OR3A2: variants seen among roughly 807,000 people sequenced by gnomAD.
The protein encoded by OR3A2 is olfactory receptor family 3 subfamily A member 2.
For synonymous variants in OR3A2, 126 were observed against 159.3 expected (o/e 0.79, Z 1.57); for missense variants, 318 against 392.8 (o/e 0.81, Z 1.61).
chr17:3,353,664 T>C (rs926580895), intron 2 of OR3A2, among the ~76,000 whole-genome samples: 3 of 151,884 alleles, frequency 2.0e-5, no homozygotes, highest in Non-Finnish European at 4.4e-5. Context: ...CATTGATTTT[T>C]AAATTTTATT....
At chr17:3,303,318 C>G (rs1478630496) in intron 3 of OR3A2, among the ~76,000 whole-genome samples, 1 of 152,060 alleles carries the variant, frequency 6.6e-6, no homozygotes, top group Non-Finnish European at 1.5e-5. Flanking sequence ...AATAAGACAG[C>G]AATTTGCCTA....
chr17:3,325,544 A>T lies in OR3A2; in HGVS notation c.-85+10489T>A, dbSNP rs148347006. 5.2e-3 allele frequency among the ~76,000 whole-genome samples: 783 copies of T among 152,022 alleles called. 13 individuals are homozygous for T. Among genetic ancestry groups the T allele is most frequent in the African/African-American group, 0.018 (747 of 41,408 alleles). ...TGTTTTAAGTATCTCTTTTTATCAA[A>T]TTTTAAATGTATATAGATATATATA... On this transcript the variant is annotated intron_variant, in intron 3 of 4. Coordinates refer to the OR3A2 transcript ENST00000573491.
chr17:3,316,452 T>A (rs1370478825), intron 3 of OR3A2, among the ~76,000 whole-genome samples: 1 of 152,172 alleles, frequency 6.6e-6, no homozygotes, highest in African/African-American at 2.4e-5. Context: ...TTCTCCCACA[T>A]CCATCCTACC....
chr17:3,313,528 C>T (rs1273229694), intron 3 of OR3A2, among the ~76,000 whole-genome samples: 2 of 152,346 alleles, frequency 1.3e-5, no homozygotes, highest in South Asian at 2.1e-4. Flanking sequence ...ATTTCATCTG[C>T]CAAAGGCTGC....
intron 3 of OR3A2, among the ~76,000 whole-genome samples, chr17:3,315,913 G>C (rs1272880302): frequency 6.6e-6 from 1 of 151,964 alleles, no homozygotes; most frequent in Admixed American, 6.6e-5. Context: ...AGATTTAGAG[G>C]CAGTCATCTT....
At position 3,278,189 on chromosome 17, in the gene OR3A2, C is replaced by T. The variant is rs200435984; in HGVS notation, c.729G>A (p.Thr243=). ...AAACCACGGTGAGGTGGGAGCCACA[C>T]GTGGAGAAGGCCTTCTTTCGGCCCT... The change falls in exon 2 of 2, where the codon ACG becomes ACA. Residue 243 remains threonine, a synonymous_variant. Transcript: ENST00000642052. 1.7e-4 allele frequency: 273 copies of T among 1,614,216 alleles called. 5 individuals are homozygous for T. The South Asian group carries it at 2.6e-3, about 15-fold the overall frequency.
At chr17:3,378,895 T>C (rs562453482) in intron 2 of OR3A2, among the ~76,000 whole-genome samples, 1 of 152,306 alleles carries the variant, frequency 6.6e-6, no homozygotes, top group Non-Finnish European at 1.5e-5. Flanking sequence ...ACCTGTTAAC[T>C]ATGAAATGTG....
chr17:3,351,891 TATCTG>T (rs1451478240), intron 2 of OR3A2, among the ~76,000 whole-genome samples: 2 of 151,880 alleles, frequency 1.3e-5, no homozygotes, highest in African/African-American at 2.4e-5. Flanking sequence ...TATCTACAAC[TATCTG>T]ATCTTTGACA....
intron 2 of OR3A2, among the ~76,000 whole-genome samples, chr17:3,366,715 T>G (rs142997468): frequency 7.9e-5 from 12 of 152,322 alleles, no homozygotes; most frequent in African/African-American, 2.9e-4. Flanking sequence ...CTTGAGTCTG[T>G]GAGAAAATGT....
intron 3 of OR3A2, among the ~76,000 whole-genome samples, chr17:3,304,878 T>C (rs759964230): frequency 7.2e-5 from 11 of 152,234 alleles, no homozygotes; most frequent in Non-Finnish European, 1.5e-4. Context: ...ATCCATTATG[T>C]TGAGTAAAGG....
intron 3 of OR3A2, among the ~76,000 whole-genome samples, chr17:3,319,037 T>G (rs1465271864): frequency 6.6e-6 from 1 of 152,190 alleles, no homozygotes; most frequent in Admixed American, 6.6e-5. Flanking sequence ...AAACCTCCAT[T>G]GCTTTTACCT....
chr17:3,331,081 A>T (rs1021121667), intron 3 of OR3A2, among the ~76,000 whole-genome samples: 1 of 152,138 alleles, frequency 6.6e-6, no homozygotes, highest in Non-Finnish European at 1.5e-5. Flanking sequence ...CCGAGAGATC[A>T]GCTGTTAGTC....
At chr17:3,284,958 G>A (rs1013723488), upstream of OR3A2, among the ~76,000 whole-genome samples, 73 of 152,144 alleles carry the variant, frequency 4.8e-4, 2 homozygotes, top group Admixed American at 4.2e-3. Flanking sequence ...CTTCAAAGCC[G>A]GTTTCCTGTT....
chr17:3,367,601 G>GTATATATAT (rs1555530076), intron 2 of OR3A2, among the ~76,000 whole-genome samples: 8 of 122,520 alleles, frequency 6.5e-5, no homozygotes, highest in South Asian at 2.6e-4. Context: ...GTGTGTGTGT[G>GTATATATAT]TATATATATA....
chr17:3,326,768 T>A (rs1202882788), intron 3 of OR3A2, among the ~76,000 whole-genome samples: 1 of 139,964 alleles, frequency 7.1e-6, no homozygotes, highest in African/African-American at 2.7e-5. Flanking sequence ...GTGATCTCAT[T>A]GTTCAATTCC....
At chr17:3,351,948 A>T (rs1378433728) in intron 2 of OR3A2, among the ~76,000 whole-genome samples, 1 of 152,214 alleles carries the variant, frequency 6.6e-6, no homozygotes, top group African/African-American at 2.4e-5. Flanking sequence ...TTCCCTACTT[A>T]ATAAATGGTG....
intron 3 of OR3A2, among the ~76,000 whole-genome samples, chr17:3,322,320 C>A (rs1428951243): frequency 6.6e-6 from 1 of 152,044 alleles, no homozygotes; most frequent in Non-Finnish European, 1.5e-5. Flanking sequence ...TTTCAAAAAA[C>A]CACTCCTGGA....
At chr17:3,352,556 C>T (rs193252094) in intron 2 of OR3A2, among the ~76,000 whole-genome samples, 3 of 151,178 alleles carry the variant, frequency 2.0e-5, no homozygotes, top group African/African-American at 7.2e-5. Context: ...AAAATGAGTT[C>T]ACTGTAGGAG....
chr17:3,330,301 T>C (rs2049219192), intron 3 of OR3A2, among the ~76,000 whole-genome samples: 1 of 150,062 alleles, frequency 6.7e-6, no homozygotes, highest in Non-Finnish European at 1.5e-5. Flanking sequence ...TGTCTAATGT[T>C]GACAATGGGG....
Sources: allele counts gnomAD v4.1 joint callset (sites outside exome capture counted in the v4.1 genomes callset), GRCh38; gene constraint gnomAD v4.1.1; transcripts MANE v1.5; gene names NCBI Gene and HGNC (gene_info 2026-07-23, HGNC 2026-07-21).